The following TRDMT1 variants were observed in gnomAD, a reference collection of about 807,000 sequenced individuals.
The protein encoded by TRDMT1 is tRNA aspartic acid methyltransferase 1.
TRDMT1 carries 49 observed loss-of-function variants against 51.2 expected under a neutral mutation model. The observed-to-expected ratio is 0.96, with a 90% CI of 0.76 to 1.21. The LOEUF is 1.21. Ranked by LOEUF, TRDMT1 falls within the 50% of genes most tolerant of loss-of-function variation. The pLI is 0.00. For missense variants in TRDMT1, 534 were observed against 462.3 expected (o/e 1.16, Z -1.42); for synonymous variants, 187 against 164.6 (o/e 1.14, Z -1.04).
In TRDMT1 at chr10:17,143,717, C is replaced by G; in HGVS notation, c.*5323G>C. On this transcript the variant is annotated 3_prime_UTR_variant, in exon 11 of 11. Transcript: ENST00000377799. The stretch of plus-strand genomic sequence containing the variant: ...ATAAGTTTTCCTAAAAATAAATGAT[C>G]GTTCAGAGGCCTGCCTTAGGAAGGC... The G allele has an allele frequency of 1.0e-6, 1 of 985,334 alleles. No homozygotes were observed. Among genetic ancestry groups the G allele is most frequent in the Non-Finnish European group, 1.2e-6 (1 of 829,908 alleles). 61.0% of individuals were successfully genotyped at this position (985,334 alleles called of 1,614,324 possible).
intron 1 of TRDMT1, among the ~76,000 whole-genome samples, chr10:17,194,332 C>T (rs983214025): frequency 2.0e-5 from 3 of 152,120 alleles, no homozygotes; most frequent in East Asian, 1.9e-4. Context: ...TACAGACCTT[C>T]GGCACAGCTA....
In TRDMT1 at chr10:17,154,741, A is replaced by C; in HGVS notation, c.888-7T>G. 6.2e-7 allele frequency: 1 copy of C among 1,600,778 alleles called. No homozygotes were observed. Among genetic ancestry groups the C allele is most frequent in the Non-Finnish European group, 8.5e-7 (1 of 1,174,300 alleles). Reference sequence around the variant, plus strand: ...TTCTATGTAGCTTCCATATCTGAAAAATCAACACAACAATTATGCAGCACC... The same window carrying C: ...TTCTATGTAGCTTCCATATCTGAAACATCAACACAACAATTATGCAGCACC... On this transcript the variant is annotated splice_polypyrimidine_tract_variant and splice_region_variant and intron_variant, in intron 8 of 10. Transcript: ENST00000377799.
chr10:17,151,777 A>C (rs926515927), intron 10 of TRDMT1: 1 of 817,896 alleles, frequency 1.2e-6, no homozygotes, highest in African/African-American at 1.9e-5. Flanking sequence ...AGCTAAAACA[A>C]ATTTTACATT....
rs1261910119 is a variant in TRDMT1 at position 17,147,140 on chromosome 10, G to A, written c.*1900C>T. The stretch of plus-strand genomic sequence containing the variant: ...TATAATTATAGCATAATTATTCATA[G>A]TTACAGTAAAACTCTAAACCATTTT... On this transcript the variant is annotated 3_prime_UTR_variant, in exon 11 of 11. Transcript: ENST00000377799. 3.0e-6 allele frequency: 3 copies of A among 985,530 alleles called. No individual in the cohort carries two copies. The East Asian group carries it at 3.4e-4, about 112-fold the overall frequency. The allele number at this position is 985,530 out of a possible 1,614,324, so 61.0% of individuals were successfully genotyped here. A position where few individuals can be genotyped will look rare whatever the true frequency, so the allele number is the denominator to read the frequency against.
rs1185287428 is a variant in TRDMT1 at position 17,147,098 on chromosome 10, A to C, written c.*1942T>G. ...ACACTTATTTTGTATAATGTTGCTC[A>C]ACCGAATGTGGGATACTATAATTAT... On this transcript the variant is annotated 3_prime_UTR_variant, in exon 11 of 11. Transcript: ENST00000377799. The C allele has an allele frequency of 1.0e-6, 1 of 985,730 alleles. No individual in the cohort carries two copies. The highest frequency in any genetic ancestry group is 6.1e-5 in the Admixed American group (1 of 16,270). The allele number at this position is 985,730 out of a possible 1,614,324, so 61.1% of individuals were successfully genotyped here.
intron 1 of TRDMT1, among the ~76,000 whole-genome samples, chr10:17,189,418 G>C (rs76831981): frequency 6.6e-6 from 1 of 151,972 alleles, no homozygotes; most frequent in Non-Finnish European, 1.5e-5. Context: ...TAGATTCACA[G>C]CTTTTTCTTC....
Position 17,157,782 on chromosome 10 carries a change from T to C in TRDMT1, c.546A>G (p.Val182=), listed in dbSNP as rs748880738. 6.4e-7 allele frequency: 1 copy of C among 1,552,230 alleles called. No homozygotes were observed. The highest frequency in any genetic ancestry group is 2.3e-5 in the East Asian group (1 of 44,254). The change falls in exon 8 of 11, where the codon GTA becomes GTG. Residue 182 remains valine, a splice_region_variant and synonymous_variant. Transcript: ENST00000377799. ...EPLPFQAPGQ[V]LMEFPKIESV... ...ATTCAATTTTGGGGAACTCCATCAG[T>C]ACCTGGCATTACATAAAAATACACA...
rs10904904 is a variant in TRDMT1 at position 17,198,641 on chromosome 10, G to T, written c.64+2930C>A. Among the ~76,000 whole-genome samples, 19 of 152,088 alleles carry T rather than the reference G, an allele frequency of 1.2e-4. 1 individual carries two copies. The South Asian group carries it at 3.7e-3, about 30-fold the overall frequency. ...CAGAATCAAGGTTACCAGGGACTGG[G>T]GGGAAAGGGAATTTGGAGTTATTGT... is the stretch of plus-strand genomic sequence containing the variant. On this transcript the variant is annotated intron_variant, in intron 1 of 10. Coordinates refer to ENST00000377799, the MANE Select transcript of TRDMT1 (RefSeq NM_004412.7).
At chr10:17,165,251 CA>C (rs1222434924) in intron 3 of TRDMT1, among the ~76,000 whole-genome samples, 1 of 152,110 alleles carries the variant, frequency 6.6e-6, no homozygotes, top group Non-Finnish European at 1.5e-5. Flanking sequence ...ACAAACCTGA[CA>C]AAAACAAGAA....
chr10:17,196,163 C>T lies in TRDMT1; in HGVS notation c.64+5408G>A, dbSNP rs145866868. 3.7e-4 allele frequency among the ~76,000 whole-genome samples: 56 copies of T among 152,268 alleles called. No homozygotes were observed. The East Asian group carries it at 5.4e-3, about 15-fold the overall frequency. The stretch of plus-strand genomic sequence containing the variant: ...AGATTCAGAAAATGAATAATTAATA[C>T]GTGACAAATGAGATGCTTAGCATTT... On this transcript the variant is annotated intron_variant, in intron 1 of 10. Transcript: ENST00000377799.
chr10:17,176,407 T>C (rs922622278), intron 1 of TRDMT1, among the ~76,000 whole-genome samples: 1 of 152,166 alleles, frequency 6.6e-6, no homozygotes, highest in African/African-American at 2.4e-5. Flanking sequence ...TTTATGTTCT[T>C]GTGTTATATG....
Position 17,140,614 on chromosome 10 carries a change from C to A in TRDMT1, c.*8426G>T, listed in dbSNP as rs1001184543. 6.6e-6 allele frequency among the ~76,000 whole-genome samples: 1 copy of A among 152,096 alleles called. No homozygotes were observed. Among genetic ancestry groups the A allele is most frequent in the African/African-American group, 2.4e-5 (1 of 41,398 alleles). ...TAGCATCAAGATGCAAATGAGGTAG[C>A]AACTTACAAGCTTACAATGAACAGA... On this transcript the variant is annotated 3_prime_UTR_variant, in exon 11 of 11. Transcript: ENST00000377799.
rs978799694 is a variant in TRDMT1, at chr10:17,138,879, T to C, written c.*10161A>G. Among the ~76,000 whole-genome samples the C allele has an allele frequency of 1.3e-5, 2 of 152,092 alleles. No individual in the cohort carries two copies. The highest frequency in any genetic ancestry group is 2.9e-5 in the Non-Finnish European group (2 of 68,014). On this transcript the variant is annotated 3_prime_UTR_variant, in exon 11 of 11. Coordinates refer to ENST00000377799, the MANE Select transcript of TRDMT1 (RefSeq NM_004412.7). ...GCTTTGGAGGAGGAGCACAGGGGTGTTCGTGGCACATGTATACACACGTGT... is the reference window on the plus strand; with the variant it reads ...GCTTTGGAGGAGGAGCACAGGGGTGCTCGTGGCACATGTATACACACGTGT...
chr10:17,162,290 G>C, intron 3 of TRDMT1, 53 bp from the exon 4 acceptor site: 1 of 1,484,062 alleles, frequency 6.7e-7, no homozygotes, highest in Non-Finnish European at 9.1e-7. Flanking sequence ...AGTTTATTAA[G>C]AATCTGATAA....
chr10:17,174,894 A>G (rs1224586901), intron 1 of TRDMT1, among the ~76,000 whole-genome samples: 1 of 152,232 alleles, frequency 6.6e-6, no homozygotes, highest in Non-Finnish European at 1.5e-5. Flanking sequence ...GAAGATTTAA[A>G]TATTTTAGTG....
intron 1 of TRDMT1, among the ~76,000 whole-genome samples, chr10:17,190,233 T>C (rs1219340898): frequency 6.6e-6 from 1 of 152,142 alleles, no homozygotes; most frequent in African/African-American, 2.4e-5. Flanking sequence ...CCAATATTTC[T>C]GATAATGTTC....
chr10:17,177,918 A>T (rs1395433152), intron 1 of TRDMT1, among the ~76,000 whole-genome samples: 1 of 152,162 alleles, frequency 6.6e-6, no homozygotes, highest in Non-Finnish European at 1.5e-5. Flanking sequence ...GTAGTTATTA[A>T]TGTGGGAAAA....
Position 17,145,754 on chromosome 10 carries a change from A to G in TRDMT1, c.*3286T>C. The G allele has an allele frequency of 1.0e-6, 1 of 985,468 alleles. No homozygotes were observed. Among genetic ancestry groups the G allele is most frequent in the South Asian group, 4.7e-5 (1 of 21,292 alleles). 61.0% of individuals were successfully genotyped at this position (985,468 alleles called of 1,614,324 possible). A position where few individuals can be genotyped will look rare whatever the true frequency, so the allele number is the denominator to read the frequency against. On this transcript the variant is annotated 3_prime_UTR_variant, in exon 11 of 11. Coordinates refer to ENST00000377799, the MANE Select transcript of TRDMT1 (RefSeq NM_004412.7). ...TTCTAAACTCTTAAGTTATCAAAGC[A>G]AAAGAGCAACCAGAGTGACTTTGGT...
rs760801922 is a variant in TRDMT1, at chr10:17,160,257, A to G, written c.459+48T>C. On this transcript the variant is annotated intron_variant, in intron 6 of 10. Transcript: ENST00000377799. ...GAATCAAATTTCCTTTGGGAAAAAA[A>G]GCCTTTAAATTATAATTTATATAAG... The G allele has an allele frequency of 1.6e-4, 207 of 1,256,464 alleles. 1 individual carries two copies. The highest frequency in any genetic ancestry group is 5.8e-4 in the Middle Eastern group (2 of 3,454). The allele number at this position is 1,256,464 out of a possible 1,614,324, so 77.8% of individuals were successfully genotyped here.
Sources: allele counts gnomAD v4.1 joint callset (sites outside exome capture counted in the v4.1 genomes callset), GRCh38; gene constraint gnomAD v4.1.1; transcripts MANE v1.5; gene names NCBI Gene and HGNC (gene_info 2026-07-23, HGNC 2026-07-21).